REEP1: variants seen among roughly 807,000 people sequenced by gnomAD.
The protein encoded by REEP1 is receptor expression-enhancing protein 1.
Under a neutral mutation model 40.3 loss-of-function variants are expected in REEP1, and 22 were observed. The observed-to-expected ratio is 0.55, with a 90% CI of 0.39 to 0.78. The LOEUF is 0.78. REEP1 is among the 30% of genes least tolerant of loss of function. REEP1 has a pLI of 0.00. For missense variants in REEP1, 280 were observed against 361.1 expected, an observed-to-expected ratio of 0.78 and a Z score of 1.82; for synonymous variants, 116 against 139.2, an observed-to-expected ratio of 0.83 and a Z score of 1.17.
intron 5 of REEP1, among the ~76,000 whole-genome samples, chr2:86,248,741 T>G (rs1676103689): frequency 6.6e-6 from 1 of 151,576 alleles, no homozygotes; most frequent in Non-Finnish European, 1.5e-5. Flanking sequence ...TGAGCCACCA[T>G]GACTGGCCAA....
At chr2:86,262,436 C>T (rs1239125240) in intron 3 of REEP1, among the ~76,000 whole-genome samples, 1 of 152,252 alleles carries the variant, frequency 6.6e-6, no homozygotes, top group Non-Finnish European at 1.5e-5. Flanking sequence ...AAGGCACAAG[C>T]ATATTGAATT....
chr2:86,238,083 A>G (rs948571949), intron 5 of REEP1, among the ~76,000 whole-genome samples: 6 of 152,178 alleles, frequency 3.9e-5, no homozygotes, highest in African/African-American at 7.2e-5. Flanking sequence ...CTGGAGGCTG[A>G]GGCAGGAGAA....
chr2:86,335,379 TG>T (rs1443561305), intron 1 of REEP1, among the ~76,000 whole-genome samples: 1 of 152,134 alleles, frequency 6.6e-6, no homozygotes, highest in Non-Finnish European at 1.5e-5. Flanking sequence ...GACTTGATAG[TG>T]GAAGTAACAA....
At chr2:86,291,742 G>A (rs1412653911) in intron 1 of REEP1, among the ~76,000 whole-genome samples, 2 of 152,118 alleles carry the variant, frequency 1.3e-5, no homozygotes, top group African/African-American at 2.4e-5. Flanking sequence ...CACGTCCCTG[G>A]CCATTCCCCG....
intron 1 of REEP1, among the ~76,000 whole-genome samples, chr2:86,287,466 G>C (rs60345058): frequency 0.11 from 16,188 of 152,220 alleles, 1,682 homozygotes; most frequent in African/African-American, 0.27. Flanking sequence ...TGAAGGCACA[G>C]TGTTTCATCT....
intron 1 of REEP1, among the ~76,000 whole-genome samples, chr2:86,325,970 T>C (rs1680481075): frequency 6.6e-6 from 1 of 152,220 alleles, no homozygotes; most frequent in Non-Finnish European, 1.5e-5. Flanking sequence ...GATGCTACAG[T>C]GTCCCCCCGG....
chr2:86,248,802 T>C lies in REEP1; in HGVS notation c.417+3155A>G, dbSNP rs530398552. Among the ~76,000 whole-genome samples the C allele has an allele frequency of 2.7e-4, 41 of 152,306 alleles. 1 individual carries two copies. The highest frequency in any genetic ancestry group is 9.9e-4 in the African/African-American group (41 of 41,566). ...TCAGAGTAATTATTATAAGCATGCT[T>C]TACATTCTCAAATGTGTCCTGGTTT... On this transcript the variant is annotated intron_variant, in intron 5 of 8. Transcript: ENST00000538924.
At chr2:86,264,110 A>G (rs1677017573) in intron 2 of REEP1, 69 bp from the exon 3 acceptor site, 6 of 1,232,304 alleles carry the variant, frequency 4.9e-6, no homozygotes, top group Non-Finnish European at 4.8e-6. Flanking sequence ...CACCAGGAAG[A>G]ACAGGCCCCG....
Position 86,333,076 on chromosome 2 carries a change from C to A in REEP1, c.32+4403G>T, listed in dbSNP as rs1680850779. ...TCACAATTCAACCGAAACATTTACC[C>A]AGCTCCCACAGTGTACTACAGCACA... On this transcript the variant is annotated intron_variant, in intron 1 of 8. Coordinates refer to ENST00000538924, the MANE Select transcript of REEP1 (RefSeq NM_001371279.1). Among the ~76,000 whole-genome samples the A allele has an allele frequency of 1.1e-4, 17 of 152,188 alleles. 1 individual carries two copies. Among genetic ancestry groups the A allele is most frequent in the Admixed American group, 1.0e-3 (16 of 15,276 alleles).
chr2:86,291,953 A>G (rs535954966), intron 1 of REEP1, among the ~76,000 whole-genome samples: 1 of 152,298 alleles, frequency 6.6e-6, no homozygotes, highest in Admixed American at 6.5e-5. Context: ...CCACTCCACA[A>G]TCCAATCCAC....
intron 3 of REEP1, among the ~76,000 whole-genome samples, chr2:86,261,287 C>T (rs1464685159): frequency 2.0e-5 from 3 of 152,170 alleles, no homozygotes; most frequent in Non-Finnish European, 4.4e-5. Flanking sequence ...GTGAATCAGA[C>T]AGGAGTTTCC....
At chr2:86,236,198 A>C (rs938807743) in intron 5 of REEP1, among the ~76,000 whole-genome samples, 4 of 150,796 alleles carry the variant, frequency 2.7e-5, no homozygotes, top group African/African-American at 7.5e-5. Flanking sequence ...CCTGGGCAAC[A>C]AGAGCAAAAA....
intron 5 of REEP1, among the ~76,000 whole-genome samples, chr2:86,246,122 A>G (rs1675941282): frequency 6.6e-6 from 1 of 152,260 alleles, no homozygotes; most frequent in Non-Finnish European, 1.5e-5. Flanking sequence ...AGTGGATACC[A>G]TATTAGACAG....
At chr2:86,257,106 G>C (rs1170788278) in intron 3 of REEP1, among the ~76,000 whole-genome samples, 1 of 152,190 alleles carries the variant, frequency 6.6e-6, no homozygotes, top group Non-Finnish European at 1.5e-5. Flanking sequence ...CCAGAAAAGA[G>C]AGAGGCTGAA....
chr2:86,239,642 A>T (rs1423950262), intron 5 of REEP1, among the ~76,000 whole-genome samples: 1 of 152,210 alleles, frequency 6.6e-6, no homozygotes, highest in African/African-American at 2.4e-5. Flanking sequence ...GACATGCTGC[A>T]TGAGGACCAG....
At chr2:86,337,698 C>T (rs1384065523), upstream of REEP1, 3 of 984,932 alleles carry the variant, frequency 3.0e-6, no homozygotes, top group Non-Finnish European at 3.6e-6. This position sits in a 1 kb window ranked among gnomAD's most constrained non-coding sequence, Gnocchi z 5.8. Flanking sequence ...GCGGCGGCGG[C>T]GGCCCCAGCC....
At chr2:86,302,705 T>C (rs1679305152) in intron 1 of REEP1, among the ~76,000 whole-genome samples, 1 of 152,222 alleles carries the variant, frequency 6.6e-6, no homozygotes. Flanking sequence ...AGTATTAATA[T>C]ATTAATGTTA....
At chr2:86,307,292 A>G (rs1679536140) in intron 1 of REEP1, among the ~76,000 whole-genome samples, 1 of 152,126 alleles carries the variant, frequency 6.6e-6, no homozygotes, top group Admixed American at 6.5e-5. Flanking sequence ...AAATGAGTAG[A>G]CCATACCATT....
At chr2:86,224,520 A>G (rs1674588032) in intron 7 of REEP1, among the ~76,000 whole-genome samples, 2 of 152,176 alleles carry the variant, frequency 1.3e-5, no homozygotes. Context: ...GTGTAGGCCA[A>G]TCATCAAAGG....
Sources: allele counts gnomAD v4.1 joint callset (sites outside exome capture counted in the v4.1 genomes callset), GRCh38; gene constraint gnomAD v4.1.1; non-coding constraint Gnocchi (gnomAD v3.1); transcripts MANE v1.5; gene names NCBI Gene and HGNC (gene_info 2026-07-23, HGNC 2026-07-21).